KPNA4: variants seen among roughly 807,000 people sequenced by gnomAD.
KPNA4 encodes the protein importin subunit alpha-3.
Under a neutral mutation model 71.3 loss-of-function variants are expected in KPNA4, and 13 were observed. That is an observed-to-expected ratio of 0.18 (90% CI 0.12 to 0.29). KPNA4 has a LOEUF of 0.29. Ranked by LOEUF, KPNA4 falls within the 10% of genes least tolerant of loss-of-function variation. KPNA4 has a pLI of 1.00. For missense variants in KPNA4, 334 were observed against 603.2 expected (o/e 0.55, Z 4.67); for synonymous variants, 189 against 195.2 (o/e 0.97, Z 0.26).
At chr3:160,522,800 A>G (rs993903261) in intron 10 of KPNA4, among the ~76,000 whole-genome samples, 6 of 152,158 alleles carry the variant, frequency 3.9e-5, no homozygotes, top group African/African-American at 1.4e-4. Context: ...GCTGCAGATC[A>G]AGACATTAAA....
At chr3:160,552,957 A>G (rs1175204299) in intron 1 of KPNA4, among the ~76,000 whole-genome samples, 1 of 152,196 alleles carries the variant, frequency 6.6e-6, no homozygotes. Context: ...AAGCTAATGA[A>G]GCAGGAGAGG....
chr3:160,517,086 C>G (rs1721242979), intron 11 of KPNA4, among the ~76,000 whole-genome samples: 1 of 152,006 alleles, frequency 6.6e-6, no homozygotes, highest in Non-Finnish European at 1.5e-5. Context: ...ACTTTGATCA[C>G]CCCAAAAAGA....
At chr3:160,516,061 A>C (rs918869894) in intron 11 of KPNA4, among the ~76,000 whole-genome samples, 1 of 152,146 alleles carries the variant, frequency 6.6e-6, no homozygotes, top group Non-Finnish European at 1.5e-5. Context: ...ATCCTGGCTC[A>C]CTGCAACCTC....
Position 160,495,020 on chromosome 3 carries a change from C to G in KPNA4, c.*7084G>C, listed in dbSNP as rs1720724447. The G allele has an allele frequency of 6.6e-6, 1 of 152,170 alleles. No homozygotes were observed. Among genetic ancestry groups the G allele is most frequent in the South Asian group, 2.1e-4 (1 of 4,822 alleles). 9.4% of individuals were successfully genotyped at this position (152,170 alleles called of 1,614,324 possible). A position where few individuals can be genotyped will look rare whatever the true frequency, so the allele number is the denominator to read the frequency against. On this transcript the variant is annotated 3_prime_UTR_variant, in exon 17 of 17. Coordinates refer to ENST00000334256, the MANE Select transcript of KPNA4 (RefSeq NM_002268.5). ...TGAGAAATTGCATCATTATCACAAG[C>G]ATTTATTGAGTACCCATAGAACTCA...
chr3:160,526,982 G>A (rs529521263), intron 8 of KPNA4, among the ~76,000 whole-genome samples: 1 of 152,260 alleles, frequency 6.6e-6, no homozygotes, highest in Admixed American at 6.5e-5. Flanking sequence ...CCAATGTCAA[G>A]AATGGTTTAC....
intron 1 of KPNA4, among the ~76,000 whole-genome samples, chr3:160,562,818 T>C (rs1394258573): frequency 6.6e-6 from 1 of 152,220 alleles, no homozygotes; most frequent in East Asian, 1.9e-4. Flanking sequence ...ACCTGGCTAA[T>C]GTCAATATAT....
At chr3:160,549,614 C>A (rs1436228841) in intron 1 of KPNA4, among the ~76,000 whole-genome samples, 1 of 152,176 alleles carries the variant, frequency 6.6e-6, no homozygotes, top group African/African-American at 2.4e-5. Context: ...GCTCTCTATT[C>A]TGTTCCACTG....
rs550255799 is a variant in KPNA4 at position 160,499,754 on chromosome 3, C to G, written c.*2350G>C. On this transcript the variant is annotated 3_prime_UTR_variant, in exon 17 of 17. Transcript: ENST00000334256. ...ACAAGCTCATTGGCTTACTTTGAAT[C>G]CAATATTTTTTACTAAAAAACACAA... is the stretch of plus-strand genomic sequence containing the variant. The G allele has an allele frequency of 6.6e-6, 1 of 152,174 alleles. No homozygotes were observed. Among genetic ancestry groups the G allele is most frequent in the Admixed American group, 6.6e-5 (1 of 15,266 alleles). 9.4% of individuals were successfully genotyped at this position (152,174 alleles called of 1,614,324 possible). A position where few individuals can be genotyped will look rare whatever the true frequency, so the allele number is the denominator to read the frequency against.
At chr3:160,533,428 C>T in intron 5 of KPNA4, among the ~76,000 whole-genome samples, 1 of 149,548 alleles carries the variant, frequency 6.7e-6, no homozygotes, top group East Asian at 2.0e-4. Flanking sequence ...TGGCACAGTG[C>T]TTAGCATTAA....
In KPNA4 at chr3:160,497,615, T is replaced by C. The variant is rs1042885834; in HGVS notation, c.*4489A>G. 5.3e-5 allele frequency: 8 copies of C among 152,206 alleles called. No homozygotes were observed. Among genetic ancestry groups the C allele is most frequent in the Non-Finnish European group, 8.8e-5 (6 of 68,032 alleles). 9.4% of individuals were successfully genotyped at this position (152,206 alleles called of 1,614,324 possible). On this transcript the variant is annotated 3_prime_UTR_variant, in exon 17 of 17. Coordinates refer to ENST00000334256, the MANE Select transcript of KPNA4 (RefSeq NM_002268.5). ...ATCAGTTTGTTAGTGTTTGGGAGTATTGCCTCAGATATCTGGGCAAAATTT... is the reference window on the plus strand; with the variant it reads ...ATCAGTTTGTTAGTGTTTGGGAGTACTGCCTCAGATATCTGGGCAAAATTT...
chr3:160,515,415 A>T, intron 12 of KPNA4, 37 bp downstream of exon 12: 1 of 1,516,526 alleles, frequency 6.6e-7, no homozygotes, highest in Non-Finnish European at 9.0e-7. Context: ...TTAACATTTT[A>T]AGTGCTATCT....
intron 1 of KPNA4, among the ~76,000 whole-genome samples, chr3:160,539,170 T>TTCTC (rs140222269): frequency 2.0e-5 from 3 of 150,604 alleles, no homozygotes; most frequent in African/African-American, 7.3e-5. Flanking sequence ...TTTGGGTACT[T>TTCTC]TCTCTCTCTC....
At position 160,498,283 on chromosome 3, in the gene KPNA4, C is replaced by CA. The variant is rs1181011427; in HGVS notation, c.*3820dup. The stretch of plus-strand genomic sequence containing the variant: ...GGTTCTCAGAGGCAACCTTGATCCC[C>CA]AAATAAGCTTGCTATGATAACTATA... On this transcript the variant is annotated 3_prime_UTR_variant, in exon 17 of 17. Transcript: ENST00000334256. 6.6e-6 allele frequency: 1 copy of CA among 152,188 alleles called. No homozygotes were observed. Among genetic ancestry groups the CA allele is most frequent in the African/African-American group, 2.4e-5 (1 of 41,436 alleles). The allele number at this position is 152,188 out of a possible 1,614,324, so 9.4% of individuals were successfully genotyped here.
intron 13 of KPNA4, among the ~76,000 whole-genome samples, chr3:160,510,908 C>T (rs533509148): frequency 2.8e-4 from 42 of 151,676 alleles, no homozygotes; most frequent in African/African-American, 9.4e-4. Flanking sequence ...CCACCTCAGC[C>T]TCCTGAGTAG....
intron 13 of KPNA4, among the ~76,000 whole-genome samples, chr3:160,510,318 TAA>T (rs1289722246): frequency 2.6e-5 from 4 of 151,046 alleles, no homozygotes; most frequent in African/African-American, 4.8e-5. Context: ...AAGAAATATT[TAA>T]AAGTCATTAA....
intron 13 of KPNA4, among the ~76,000 whole-genome samples, chr3:160,510,095 ATAT>A (rs1721060735): frequency 1.3e-5 from 2 of 152,314 alleles, no homozygotes; most frequent in African/African-American, 2.4e-5. Context: ...AACTGAGTTG[ATAT>A]TATTATCTAA....
At chr3:160,537,735 T>C (rs1721717900) in intron 1 of KPNA4, among the ~76,000 whole-genome samples, 2 of 151,386 alleles carry the variant, frequency 1.3e-5, no homozygotes, top group African/African-American at 2.4e-5. Context: ...ACTCCATCCT[T>C]GCAGCTGCAA....
At chr3:160,540,160 C>T (rs1287853063) in intron 1 of KPNA4, among the ~76,000 whole-genome samples, 4 of 151,720 alleles carry the variant, frequency 2.6e-5, no homozygotes, top group Admixed American at 1.3e-4. Flanking sequence ...CCACCACGCC[C>T]GGCTAAGTTT....
chr3:160,514,710 T>C (rs1408560779), intron 12 of KPNA4, among the ~76,000 whole-genome samples: 1 of 152,226 alleles, frequency 6.6e-6, no homozygotes, highest in Non-Finnish European at 1.5e-5. Context: ...ATTCACTGCA[T>C]AATTTCTCTC....
Sources: gnomAD v4.1 joint callset for allele counts (sites outside exome capture counted in the v4.1 genomes callset) on GRCh38, gnomAD v4.1.1 for gene constraint, MANE v1.5 for transcripts, NCBI Gene and HGNC (gene_info 2026-07-23, HGNC 2026-07-21) for gene names.